Variants in NOX5 observed in about 807,000 individuals in gnomAD.
The protein encoded by NOX5 is NADPH oxidase, EF-hand calcium binding domain 5.
A neutral mutation model predicts 85.7 loss-of-function variants in NOX5; 76 were observed. The observed-to-expected ratio is 0.89, with a 90% CI of 0.74 to 1.07. The LOEUF (loss-of-function observed/expected upper bound fraction) is 1.07, where lower values mean the gene tolerates loss of function less well. Ranked by LOEUF, NOX5 falls within the 50% of genes least tolerant of loss-of-function variation. NOX5 has a pLI of 0.00. For synonymous variants in NOX5, 405 were observed against 401.4 expected, an observed-to-expected ratio of 1.01 and a Z score of -0.11; for missense variants, 973 against 999.5, an observed-to-expected ratio of 0.97 and a Z score of 0.36.
chr15:69,022,980 G>A, intron 1 of NOX5: 2 of 511,144 alleles, frequency 3.9e-6, no homozygotes, highest in East Asian at 1.2e-4. Flanking sequence ...CAAGTTGTTT[G>A]ATAGCCTCAC....
intron 4 of NOX5, 111 bp downstream of exon 4, chr15:69,031,923 G>GC: frequency 8.9e-7 from 1 of 1,120,920 alleles, no homozygotes; most frequent in South Asian, 1.6e-5. Context: ...GCCCTGCCCC[G>GC]CCCCTCCCCA....
intron 14 of NOX5, 143 bp from the exon 15 acceptor site, chr15:69,055,191 T>C: frequency 1.2e-6 from 1 of 800,368 alleles, no homozygotes; most frequent in Non-Finnish European, 1.9e-6. Context: ...TTCCTCTCCA[T>C]GGCACTGGTT....
At chr15:69,016,850 C>G (rs1567090492) in intron 1 of NOX5, among the ~76,000 whole-genome samples, 1 of 151,532 alleles carries the variant, frequency 6.6e-6, no homozygotes, top group Non-Finnish European at 1.5e-5. Flanking sequence ...ATTTGTAAAC[C>G]AAAAATAAAA....
chr15:69,055,286 A>G, intron 14 of NOX5, 48 bp from the exon 15 acceptor site: 1 of 1,585,186 alleles, frequency 6.3e-7, no homozygotes, highest in Admixed American at 1.7e-5. Context: ...CCCTGCGCCC[A>G]TGATGGGTAC....
chr15:69,025,989 A>G (rs560469104), intron 1 of NOX5, among the ~76,000 whole-genome samples: 21 of 152,328 alleles, frequency 1.4e-4, no homozygotes, highest in African/African-American at 5.1e-4. Flanking sequence ...TTGGGGCAGA[A>G]TGGAAAAAAA....
chr15:69,027,297 A>C (rs886506631), intron 2 of NOX5, among the ~76,000 whole-genome samples: 4 of 152,114 alleles, frequency 2.6e-5, no homozygotes, highest in African/African-American at 9.7e-5. Flanking sequence ...GGAAGGAAAA[A>C]ATCCCATTCT....
intron 10 of NOX5, among the ~76,000 whole-genome samples, chr15:69,045,525 C>CTTT (rs2050651893): frequency 1.0e-5 from 1 of 98,438 alleles, no homozygotes; most frequent in Non-Finnish European, 2.2e-5. Context: ...CTTTCTTTCT[C>CTTT]TTCCTTTCTT....
chr15:69,062,127 T>G lies in NOX5; in HGVS notation c.*5431T>G, dbSNP rs2140290324. On this transcript the variant is annotated 3_prime_UTR_variant, in exon 16 of 16. Transcript: ENST00000388866. ...CCTTGGCTCCTCTATCTCCCCCATCTTCCTCCTTCAGCCAATCATCAAGCC... is the reference window on the plus strand; with the variant it reads ...CCTTGGCTCCTCTATCTCCCCCATCGTCCTCCTTCAGCCAATCATCAAGCC... The G allele has an allele frequency of 6.6e-6, 1 of 152,268 alleles. No homozygotes were observed. Among genetic ancestry groups the G allele is most frequent in the Non-Finnish European group, 1.5e-5 (1 of 68,030 alleles). 9.4% of individuals were successfully genotyped at this position (152,268 alleles called of 1,614,324 possible). A position where few individuals can be genotyped will look rare whatever the true frequency, so the allele number is the denominator to read the frequency against.
chr15:69,028,371 G>T lies in NOX5; in HGVS notation c.325+6G>T. On this transcript the variant is annotated splice_donor_region_variant and intron_variant, in intron 3 of 15. Transcript: ENST00000388866. ...CCAGGTGTATGACATCGATGGTAAG[G>T]GCTCTTCCTGGGTGTGGGCTGGGGT... 1 of 1,588,064 alleles carries T rather than the reference G, an allele frequency of 6.3e-7. No homozygotes were observed. Among genetic ancestry groups the T allele is most frequent in the South Asian group, 1.2e-5 (1 of 86,526 alleles).
At chr15:69,046,067 C>T (rs1317900595) in intron 10 of NOX5, 2 of 152,400 alleles carry the variant, frequency 1.3e-5, no homozygotes, top group South Asian at 4.1e-4. Context: ...CCTCCTGCAC[C>T]AGAGCGGGAA....
chr15:69,037,429 C>T, intron 8 of NOX5: 1 of 552,680 alleles, frequency 1.8e-6, no homozygotes. Flanking sequence ...CAATAAACCT[C>T]TAAAATCCGA....
At chr15:69,046,999 A>G (rs1414115622) in intron 11 of NOX5, 133 bp downstream of exon 11, 4 of 893,938 alleles carry the variant, frequency 4.5e-6, no homozygotes, top group East Asian at 5.0e-5. Context: ...GCTGACATCC[A>G]GGTATCCGGG....
At chr15:69,044,421 A>G (rs1344230725) in intron 10 of NOX5, among the ~76,000 whole-genome samples, 1 of 152,198 alleles carries the variant, frequency 6.6e-6, no homozygotes, top group East Asian at 1.9e-4. Context: ...ATAAAGATAA[A>G]TAAGTCAGTG....
At position 69,055,483 on chromosome 15, in the gene NOX5, C is replaced by A; in HGVS notation, c.2149C>A (p.Arg717=). The change falls in exon 15 of 16, where the codon CGG becomes AGG. Residue 717 remains arginine, a synonymous_variant. Transcript: ENST00000388866. The part of the protein sequence containing the change: ...TGLQTRTQPG[R]PDWSKVFQKV... Reference sequence around the variant, plus strand: ...GCTGCAGACGCGCACCCAGCCTGGGCGGCCTGACTGGAGCAAGGTAATGCC... The same window carrying A: ...GCTGCAGACGCGCACCCAGCCTGGGAGGCCTGACTGGAGCAAGGTAATGCC... The A allele has an allele frequency of 6.2e-7, 1 of 1,613,972 alleles. No homozygotes were observed. Among genetic ancestry groups the A allele is most frequent in the East Asian group, 2.2e-5 (1 of 44,876 alleles).
chr15:69,062,739 C>A lies in NOX5; in HGVS notation c.*6043C>A, dbSNP rs995655149. 15 of 152,264 alleles carry A rather than the reference C, an allele frequency of 9.9e-5. No homozygotes were observed. The highest frequency in any genetic ancestry group is 7.9e-4 in the Admixed American group (12 of 15,284). 9.4% of individuals were successfully genotyped at this position (152,264 alleles called of 1,614,324 possible). On this transcript the variant is annotated 3_prime_UTR_variant, in exon 16 of 16. Transcript: ENST00000388866. ...GTCCCTCCCATCGCAGAATAAACAG[C>A]CTGCTCCGTAGGATTGTACTGTACG...
rs751617740 is a variant in NOX5, at chr15:69,054,031, G to A, written c.2000-1303G>A. Among the ~76,000 whole-genome samples, 10 of 152,282 alleles carry A rather than the reference G, an allele frequency of 6.6e-5. No homozygotes were observed. In the South Asian group the frequency reaches 1.7e-3, roughly 25 times the overall value. On this transcript the variant is annotated intron_variant, in intron 14 of 15. Transcript: ENST00000388866. ...AAACAATAGAGAGCAGGTTGGAATG[G>A]CAAAGCTCCTTTAGTCTGGGTGTAG...
chr15:69,023,082 A>T, intron 1 of NOX5: 1 of 432,186 alleles, frequency 2.3e-6, no homozygotes. Context: ...TGAGTTCAAT[A>T]ATAACCCTGC....
In NOX5 at chr15:69,062,754, T is replaced by A. The variant is rs951598814; in HGVS notation, c.*6058T>A. On this transcript the variant is annotated 3_prime_UTR_variant, in exon 16 of 16. Coordinates refer to ENST00000388866, the MANE Select transcript of NOX5 (RefSeq NM_024505.4). ...GAATAAACAGCCTGCTCCGTAGGAT[T>A]GTACTGTACGTACCTACTTGTACCT... The A allele has an allele frequency of 6.6e-6, 1 of 152,256 alleles. No individual in the cohort carries two copies. 9.4% of individuals were successfully genotyped at this position (152,256 alleles called of 1,614,324 possible).
At chr15:69,048,885 C>A in intron 13 of NOX5, 74 bp from the exon 14 acceptor site, 1 of 1,100,248 alleles carries the variant, frequency 9.1e-7, no homozygotes, top group Non-Finnish European at 1.4e-6. Flanking sequence ...CATATGGGTC[C>A]CAGGGATTAC....
Sources: gnomAD v4.1 joint callset for allele counts (sites outside exome capture counted in the v4.1 genomes callset) on GRCh38, gnomAD v4.1.1 for gene constraint, MANE v1.5 for transcripts, NCBI Gene and HGNC (gene_info 2026-07-23, HGNC 2026-07-21) for gene names.